ASL: variants seen among roughly 807,000 people sequenced by gnomAD.
ASL encodes argininosuccinate lyase.
Under a neutral mutation model 69.1 loss-of-function variants are expected in ASL, and 51 were observed. The ratio of observed to expected loss-of-function variants is 0.74; its 90% confidence interval spans 0.59 to 0.93. The LOEUF is 0.93. Ranked by LOEUF, ASL falls within the 40% of genes least tolerant of loss-of-function variation. ASL has a pLI of 0.00. For missense variants in ASL, 540 were observed against 623.9 expected (o/e 0.87, Z 1.43); for synonymous variants, 241 against 247.6 (o/e 0.97, Z 0.25).
intron 13 of ASL, 30 bp from the exon 14 acceptor site, chr7:66,089,582 G>A (rs1786784624): frequency 6.2e-7 from 1 of 1,611,526 alleles, no homozygotes; most frequent in African/African-American, 1.3e-5. Context: ...GGGGCTGCTA[G>A]GCCCTCACCT....
intron 2 of ASL, among the ~76,000 whole-genome samples, chr7:66,079,485 A>G (rs1584017985): frequency 6.6e-6 from 1 of 152,146 alleles, no homozygotes; most frequent in African/African-American, 2.4e-5. Flanking sequence ...GCTGGCGCCT[A>G]GGCTCATGCC....
Position 66,087,771 on chromosome 7 carries a change from C to G in ASL, c.698C>G (p.Thr233Ser), listed in dbSNP as rs1229119110. ...ATCACTCTCAACAGCATGGATGCCA[C>G]TAGTGAGCGGGACTTTGTGGGTGAG... Reference protein sequence around the residue: ...GAITLNSMDATSERDFVAEFL... With the variant: ...GAITLNSMDASSERDFVAEFL... The change falls in exon 10 of 17, where the codon ACT becomes AGT. Residue 233 changes from threonine (T) to serine (S), a missense_variant. Physicochemically the swap from Thr to Ser is moderately conservative, Grantham distance 58. Transcript: ENST00000304874. 3 of 1,614,168 alleles carry G rather than the reference C, an allele frequency of 1.9e-6. No homozygotes were observed. The highest frequency in any genetic ancestry group is 1.7e-6 in the Non-Finnish European group (2 of 1,180,032).
chr7:66,083,241 G>C, intron 6 of ASL, 67 bp downstream of exon 6: 2 of 1,557,678 alleles, frequency 1.3e-6, no homozygotes, highest in Non-Finnish European at 1.8e-6. Context: ...GGAGACCTAG[G>C]GGGCAGGGGT....
Position 66,092,849 on chromosome 7 carries a change from G to C in ASL, c.1332G>C (p.Ala444=). The C allele has an allele frequency of 6.2e-7, 1 of 1,613,208 alleles. No individual in the cohort carries two copies. Among genetic ancestry groups the C allele is most frequent in the Non-Finnish European group, 8.5e-7 (1 of 1,179,982 alleles). Reference sequence around the variant, plus strand: ...AGTATGGTGCCCTGGGCGGCACTGCGCGCTCCAGCGTCGACTGGCAGATCC... The same window carrying C: ...AGTATGGTGCCCTGGGCGGCACTGCCCGCTCCAGCGTCGACTGGCAGATCC... The part of the protein sequence containing the change: ...VEQYGALGGT[A]RSSVDWQIRQ... Residue 444 remains alanine, a synonymous_variant, in exon 17 of 17, where the codon GCG becomes GCC. Coordinates refer to ENST00000304874, the MANE Select transcript of ASL (RefSeq NM_000048.4).
At chr7:66,079,117 C>A (rs1786431959) in intron 2 of ASL, among the ~76,000 whole-genome samples, 1 of 152,032 alleles carries the variant, frequency 6.6e-6, no homozygotes, top group African/African-American at 2.4e-5. Flanking sequence ...CGGAGTTTCA[C>A]CATGTTAGCC....
At chr7:66,084,732 G>A (rs1445716360) in intron 6 of ASL, among the ~76,000 whole-genome samples, 2 of 152,066 alleles carry the variant, frequency 1.3e-5, no homozygotes. Flanking sequence ...CCATTCTCCT[G>A]CCTCAGCCTC....
In ASL at chr7:66,093,181, G is replaced by A. The variant is rs1386607958; in HGVS notation, c.*269G>A. The A allele has an allele frequency of 3.7e-6, 2 of 544,526 alleles. No homozygotes were observed. Among genetic ancestry groups the A allele is most frequent in the Non-Finnish European group, 6.6e-6 (2 of 303,286 alleles). 33.7% of individuals were successfully genotyped at this position (544,526 alleles called of 1,614,324 possible). A position where few individuals can be genotyped will look rare whatever the true frequency, so the allele number is the denominator to read the frequency against. On this transcript the variant is annotated 3_prime_UTR_variant, in exon 17 of 17. Coordinates refer to ENST00000304874, the MANE Select transcript of ASL (RefSeq NM_000048.4). ...ATAATAAAACAAATAGCCTGGCGTGGTGGCCCATGCATATAGTCCCAGCTA... is the reference window on the plus strand; with the variant it reads ...ATAATAAAACAAATAGCCTGGCGTGATGGCCCATGCATATAGTCCCAGCTA...
rs887984741 is a variant in ASL at position 66,082,972 on chromosome 7, C to A, written c.348+36C>A. On this transcript the variant is annotated intron_variant, in intron 5 of 16. Coordinates refer to ENST00000304874, the MANE Select transcript of ASL (RefSeq NM_000048.4). ...CCCTCCACCCCCTGCTCCGTGTTGT[C>A]CCAACCTTGAGGAGCCCAGGGGGCA... The A allele has an allele frequency of 2.5e-6, 4 of 1,612,224 alleles. No individual in the cohort carries two copies. In the Admixed American group the frequency reaches 5.0e-5, roughly 20 times the overall value.
chr7:66,086,868 G>A (rs778992144), intron 8 of ASL, 47 bp downstream of exon 8: 48 of 1,538,504 alleles, frequency 3.1e-5, no homozygotes, highest in Non-Finnish European at 3.9e-5. Context: ...GGTGGCTGCT[G>A]CATAGCCTTA....
chr7:66,081,322 G>A (rs1786497021), intron 2 of ASL, among the ~76,000 whole-genome samples: 4 of 152,114 alleles, frequency 2.6e-5, no homozygotes. Context: ...GCTCATGCCT[G>A]TAATCCTAGC....
At chr7:66,081,312 G>A (rs527933324) in intron 2 of ASL, among the ~76,000 whole-genome samples, 1 of 152,248 alleles carries the variant, frequency 6.6e-6, no homozygotes, top group African/African-American at 2.4e-5. Flanking sequence ...ACACACAGTG[G>A]CTCATGCCTG....
rs375514826 is a variant in ASL at position 66,092,888 on chromosome 7, G to C, written c.1371G>C (p.Ala457=). Residue 457 remains alanine (A), a synonymous_variant, in exon 17 of 17, where the codon GCG becomes GCC. Transcript: ENST00000304874. Reference sequence around the variant, plus strand: ...ACTGGCAGATCCGCCAGGTGCGGGCGCTACTGCAGGCACAGCAGGCCTAGG... The same window carrying C: ...ACTGGCAGATCCGCCAGGTGCGGGCCCTACTGCAGGCACAGCAGGCCTAGG... ...SVDWQIRQVR[A]LLQAQQA The C allele has an allele frequency of 1.2e-6, 2 of 1,609,862 alleles. No homozygotes were observed. The highest frequency in any genetic ancestry group is 3.3e-5 in the Admixed American group (2 of 59,994).
rs149410743 is a variant in ASL at position 66,087,892 on chromosome 7, G to A, written c.718+101G>A. 22,048 of 1,476,056 alleles carry A rather than the reference G, an allele frequency of 0.015. 233 individuals carry two copies. The highest frequency in any genetic ancestry group is 0.018 in the Non-Finnish European group (19,467 of 1,062,144). 91.4% of individuals were successfully genotyped at this position (1,476,056 alleles called of 1,614,324 possible). On this transcript the variant is annotated intron_variant, in intron 10 of 16. Coordinates refer to ENST00000304874, the MANE Select transcript of ASL (RefSeq NM_000048.4). ...CCACACCTCCACGGACAGGCTGGTT[G>A]TGGTGATATTGTACACTGAAGTATA... is the stretch of plus-strand genomic sequence containing the variant.
intron 6 of ASL, among the ~76,000 whole-genome samples, chr7:66,086,363 G>GC (rs1786661889): frequency 6.6e-6 from 1 of 152,216 alleles, no homozygotes; most frequent in Non-Finnish European, 1.5e-5. Context: ...ACTGCAGGAA[G>GC]CCCCACAGCT....
Position 66,089,655 on chromosome 7 carries a change from C to T in ASL, c.1022C>T (p.Ala341Val), listed in dbSNP as rs1314275786. The T allele has an allele frequency of 4.3e-6, 7 of 1,613,766 alleles. No homozygotes were observed. The highest frequency in any genetic ancestry group is 5.9e-6 in the Non-Finnish European group (7 of 1,180,024). Residue 341 changes from alanine to valine, a missense_variant, in exon 14 of 17, where the codon GCC becomes GTC. Ala to Val is a moderately conservative substitution (Grantham distance 64, BLOSUM62 0). Coordinates refer to ENST00000304874, the MANE Select transcript of ASL (RefSeq NM_000048.4). ...AVFEVSDTMS[A>V]VLQVATGVIS... is the part of the protein sequence containing the mutation. ...TTTGAAGTGTCAGACACTATGAGTG[C>T]CGTGCTCCAGGTGGCCACTGGCGTC...
intron 16 of ASL, 40 bp from the exon 17 acceptor site, chr7:66,092,728 G>A (rs1432719897): frequency 6.2e-7 from 1 of 1,613,696 alleles, no homozygotes; most frequent in Non-Finnish European, 8.5e-7. Flanking sequence ...GGAGCCCAGG[G>A]TGGCCTGGCG....
At chr7:66,087,287 G>C in intron 8 of ASL, 47 bp from the exon 9 acceptor site, 1 of 1,434,114 alleles carries the variant, frequency 7.0e-7, no homozygotes, top group Non-Finnish European at 9.7e-7. Context: ...TGTGTGTCAG[G>C]GCTGCCTGCC....
In ASL at chr7:66,080,401, A is replaced by G. The variant is rs1351277854; in HGVS notation, c.13-1402A>G. 2.0e-5 allele frequency among the ~76,000 whole-genome samples: 3 copies of G among 150,812 alleles called. No individual in the cohort carries two copies. The East Asian group carries it at 5.9e-4, about 29-fold the overall frequency. On this transcript the variant is annotated intron_variant, in intron 2 of 16. Transcript: ENST00000304874. ...ACTCCATCTCAAAAAAAAAAAAAAA[A>G]AAAAAGAATTAAAAAAGATTTTTTT...
In ASL at chr7:66,093,140, C is replaced by A; in HGVS notation, c.*228C>A. 3 of 639,544 alleles carry A rather than the reference C, an allele frequency of 4.7e-6. No individual in the cohort carries two copies. Among genetic ancestry groups the A allele is most frequent in the Non-Finnish European group, 8.1e-6 (3 of 369,368 alleles). 39.6% of individuals were successfully genotyped at this position (639,544 alleles called of 1,614,324 possible). A position where few individuals can be genotyped will look rare whatever the true frequency, so the allele number is the denominator to read the frequency against. ...ACACAGCCTGGGCAACACAGGGAGACCCCCATCTCTACTCAATAATAAAAC... is the reference window on the plus strand; with the variant it reads ...ACACAGCCTGGGCAACACAGGGAGAACCCCATCTCTACTCAATAATAAAAC... On this transcript the variant is annotated 3_prime_UTR_variant, in exon 17 of 17. Coordinates refer to ENST00000304874, the MANE Select transcript of ASL (RefSeq NM_000048.4).
Sources: gnomAD v4.1 joint callset for allele counts (sites outside exome capture counted in the v4.1 genomes callset) on GRCh38, gnomAD v4.1.1 for gene constraint, MANE v1.5 for transcripts, NCBI Gene and HGNC (gene_info 2026-07-23, HGNC 2026-07-21) for gene names.